Variants in NTN4 observed in about 807,000 individuals in gnomAD.
NTN4 encodes the protein netrin 4.
A neutral mutation model predicts 73.6 loss-of-function variants in NTN4; 32 were observed. The observed-to-expected ratio is 0.44, with a 90% CI of 0.33 to 0.58. NTN4 has a LOEUF of 0.58. NTN4 is among the 20% of genes least tolerant of loss of function. The probability of loss-of-function intolerance (pLI) is 0.04; values close to 1 mark genes in which losing one functional copy is unlikely to be tolerated. For synonymous variants in NTN4, 258 were observed against 287.5 expected (o/e 0.90, Z 1.04); for missense variants, 654 against 798.3 (o/e 0.82, Z 2.18).
chr12:95,755,812 A>G (rs2078943959), intron 2 of NTN4, among the ~76,000 whole-genome samples: 1 of 152,248 alleles, frequency 6.6e-6, no homozygotes, highest in Admixed American at 6.5e-5. Context: ...AAATATCTTC[A>G]GGGAAAAGGG....
At chr12:95,715,694 G>A (rs371316471) in intron 3 of NTN4, among the ~76,000 whole-genome samples, 3 of 152,078 alleles carry the variant, frequency 2.0e-5, no homozygotes, top group African/African-American at 7.2e-5. Context: ...TTTCATCCTA[G>A]CTCCTGGGTA....
intron 3 of NTN4, among the ~76,000 whole-genome samples, chr12:95,719,852 G>A (rs2078633592): frequency 6.6e-6 from 1 of 152,142 alleles, no homozygotes; most frequent in Non-Finnish European, 1.5e-5. Context: ...TAGGTTGAAG[G>A]CTGAGTGTTT....
At chr12:95,672,634 C>T in intron 7 of NTN4, 1 of 1,520,694 alleles carries the variant, frequency 6.6e-7, no homozygotes, top group Non-Finnish European at 9.1e-7. Flanking sequence ...ATGGTGAGGC[C>T]CAGGTGAAGA....
At chr12:95,731,677 C>T (rs1287596230) in intron 3 of NTN4, among the ~76,000 whole-genome samples, 1 of 152,138 alleles carries the variant, frequency 6.6e-6, no homozygotes, top group Non-Finnish European at 1.5e-5. Flanking sequence ...TGAACCCAGC[C>T]TCATCGCCCC....
At chr12:95,678,193 G>T (rs1345985697) in intron 7 of NTN4, among the ~76,000 whole-genome samples, 1 of 151,902 alleles carries the variant, frequency 6.6e-6, no homozygotes, top group African/African-American at 2.4e-5. Flanking sequence ...TTAGGGGTGT[G>T]GGGGGCGAGG....
intron 5 of NTN4, among the ~76,000 whole-genome samples, 194 bp downstream of exon 5, chr12:95,710,247 A>G (rs551539105): frequency 6.6e-6 from 1 of 152,314 alleles, no homozygotes; most frequent in South Asian, 2.1e-4. Context: ...AATTACTTTG[A>G]TGAATATTAT....
rs1330321220 is a variant in NTN4 at position 95,789,152 on chromosome 12, C to T, written c.55+1103G>A. Among the ~76,000 whole-genome samples the T allele has an allele frequency of 1.3e-5, 2 of 152,190 alleles. No individual in the cohort carries two copies. The highest frequency in any genetic ancestry group is 4.8e-5 in the African/African-American group (2 of 41,434). On this transcript the variant is annotated intron_variant, in intron 1 of 9. Coordinates refer to ENST00000343702, the MANE Select transcript of NTN4 (RefSeq NM_021229.4). The surrounding 1 kb of genome is among the most constrained non-coding windows in gnomAD (Gnocchi z 4.0). ...ATCCATGGGGCAAAATACTTGGAGT[C>T]ACTCAAGGGACTATTCAATGATACT... is the stretch of plus-strand genomic sequence containing the variant.
chr12:95,715,418 G>A (rs1417446096), intron 3 of NTN4, among the ~76,000 whole-genome samples: 2 of 151,804 alleles, frequency 1.3e-5, no homozygotes, highest in Non-Finnish European at 2.9e-5. Flanking sequence ...TTTCTTTATA[G>A]AAATGCAACT....
At chr12:95,761,327 T>C (rs955721031) in intron 2 of NTN4, among the ~76,000 whole-genome samples, 1 of 24,082 alleles carries the variant, frequency 4.2e-5, no homozygotes, top group African/African-American at 1.4e-4. Flanking sequence ...AGAGATATTC[T>C]TTTTTTTTTT....
At chr12:95,747,669 T>G (rs2078872036) in intron 2 of NTN4, among the ~76,000 whole-genome samples, 1 of 152,122 alleles carries the variant, frequency 6.6e-6, no homozygotes, top group Admixed American at 6.5e-5. Context: ...CCCCAACATC[T>G]AATACAATGC....
rs149243186 is a variant in NTN4, at chr12:95,677,335, C to T, written c.1510+5372G>A. 3.7e-3 allele frequency among the ~76,000 whole-genome samples: 565 copies of T among 151,980 alleles called. 6 individuals are homozygous for T. The highest frequency in any genetic ancestry group is 0.013 in the African/African-American group (542 of 41,526). On this transcript the variant is annotated intron_variant, in intron 7 of 9. Transcript: ENST00000343702. Reference sequence around the variant, plus strand: ...ACAGATATTGAATCAGTAATACTTTCGTCTACTCATAGACACTGTGTCTCA... The same window carrying T: ...ACAGATATTGAATCAGTAATACTTTTGTCTACTCATAGACACTGTGTCTCA...
In NTN4 at chr12:95,722,269, G is replaced by A. The variant is rs372826064; in HGVS notation, c.865-8931C>T. 4.6e-5 allele frequency among the ~76,000 whole-genome samples: 7 copies of A among 152,244 alleles called. No homozygotes were observed. In the South Asian group the frequency reaches 1.2e-3, roughly 27 times the overall value. ...AAACTGCTCAAGGGCAGAGAAAAGCGCAGCTTGGCCTTTTCAAATAAATCA... is the reference window on the plus strand; with the variant it reads ...AAACTGCTCAAGGGCAGAGAAAAGCACAGCTTGGCCTTTTCAAATAAATCA... On this transcript the variant is annotated intron_variant, in intron 3 of 9. Transcript: ENST00000343702.
chr12:95,682,816 T>A lies in NTN4; in HGVS notation c.1401A>T (p.Thr467=), dbSNP rs757257246. 6.3e-7 allele frequency: 1 copy of A among 1,597,390 alleles called. No individual in the cohort carries two copies. Among genetic ancestry groups the A allele is most frequent in the East Asian group, 2.2e-5 (1 of 44,738 alleles). Residue 467 remains threonine, a synonymous_variant, in exon 7 of 10, where the codon ACA becomes ACT. Transcript: ENST00000343702. ...PITGDCISSH[T]DIDWYHEVPD... The stretch of plus-strand genomic sequence containing the variant: ...GAACTTCATGATACCAGTCTATGTC[T>A]GTGTGGCTAACAAAATAGAACATGA...
At chr12:95,721,078 C>T (rs926671269) in intron 3 of NTN4, among the ~76,000 whole-genome samples, 1 of 152,204 alleles carries the variant, frequency 6.6e-6, no homozygotes, top group African/African-American at 2.4e-5. Flanking sequence ...ACTCTAGCAT[C>T]CTCATCTTAA....
intron 3 of NTN4, among the ~76,000 whole-genome samples, chr12:95,721,688 T>C (rs981338152): frequency 1.3e-5 from 2 of 152,248 alleles, no homozygotes; most frequent in African/African-American, 4.8e-5. Flanking sequence ...CTAGTCAGTT[T>C]AAATCTAGTT....
At chr12:95,728,658 C>T (rs2078712838) in intron 3 of NTN4, among the ~76,000 whole-genome samples, 1 of 152,152 alleles carries the variant, frequency 6.6e-6, no homozygotes, top group African/African-American at 2.4e-5. Flanking sequence ...ACAATAAAAT[C>T]ACTGCCTTTC....
chr12:95,755,268 T>C (rs1184309399), intron 2 of NTN4, among the ~76,000 whole-genome samples: 1 of 152,248 alleles, frequency 6.6e-6, no homozygotes, highest in Non-Finnish European at 1.5e-5. Flanking sequence ...GCATACATTC[T>C]GTCAGATGAG....
At chr12:95,672,984 C>A in intron 7 of NTN4, 1 of 1,173,692 alleles carries the variant, frequency 8.5e-7, no homozygotes, top group Non-Finnish European at 1.3e-6. Flanking sequence ...CGAAGCCCAT[C>A]AGGTGCATGG....
chr12:95,768,815 G>C (rs1277585524), intron 2 of NTN4, among the ~76,000 whole-genome samples: 1 of 152,180 alleles, frequency 6.6e-6, no homozygotes, highest in Admixed American at 6.5e-5. Context: ...TACAGGGATG[G>C]AGAGAGGCAT....
Sources: allele counts gnomAD v4.1 joint callset (sites outside exome capture counted in the v4.1 genomes callset), GRCh38; gene constraint gnomAD v4.1.1; non-coding constraint Gnocchi (gnomAD v3.1); transcripts MANE v1.5; gene names NCBI Gene and HGNC (gene_info 2026-07-23, HGNC 2026-07-21).